Variants in SEZ6 observed in about 807,000 individuals in gnomAD.
The protein encoded by SEZ6 is seizure protein 6 homolog.
A neutral mutation model predicts 101.0 loss-of-function variants in SEZ6; 53 were observed. The ratio of observed to expected loss-of-function variants is 0.52; its 90% CI spans 0.42 to 0.66. The LOEUF is 0.66. Ranked by LOEUF, SEZ6 falls within the 30% of genes least tolerant of loss-of-function variation. The pLI is 0.00. For missense variants in SEZ6, 1,102 were observed against 1,289.4 expected (o/e 0.85, Z 2.23); for synonymous variants, 488 against 512.2 (o/e 0.95, Z 0.64).
chr17:28,970,629 G>A (rs1398921660), intron 3 of SEZ6, among the ~76,000 whole-genome samples: 1 of 152,110 alleles, frequency 6.6e-6, no homozygotes, highest in Non-Finnish European at 1.5e-5. Flanking sequence ...CGCCGTTACT[G>A]TGCACCTAGA....
chr17:28,988,068 T>C (rs1416171387), intron 1 of SEZ6, among the ~76,000 whole-genome samples: 2 of 152,200 alleles, frequency 1.3e-5, no homozygotes, highest in Admixed American at 1.3e-4. Flanking sequence ...AGTTGTTGGG[T>C]TGGACACAGA....
chr17:28,955,403 G>T lies in SEZ6; in HGVS notation c.*559C>A. Reference sequence around the variant, plus strand: ...TAGAATTACTGCCTCCACTGGGACAGGGCAGGAGGCAGAACTGTCCAGAAC... The same window carrying T: ...TAGAATTACTGCCTCCACTGGGACATGGCAGGAGGCAGAACTGTCCAGAAC... On this transcript the variant is annotated 3_prime_UTR_variant, in exon 17 of 17. Transcript: ENST00000317338. 1 of 331,558 alleles carries T rather than the reference G, an allele frequency of 3.0e-6. No homozygotes were observed. Among genetic ancestry groups the T allele is most frequent in the Non-Finnish European group, 6.0e-6 (1 of 166,290 alleles). The allele number at this position is 331,558 out of a possible 1,614,324, so 20.5% of individuals were successfully genotyped here. A position where few individuals can be genotyped will look rare whatever the true frequency, so the allele number is the denominator to read the frequency against.
intron 1 of SEZ6, among the ~76,000 whole-genome samples, chr17:28,996,322 C>T (rs1409615229): frequency 2.0e-5 from 3 of 152,192 alleles, no homozygotes; most frequent in African/African-American, 7.2e-5. Context: ...GAATGAGCTT[C>T]TCCTGCCCCA....
At chr17:28,981,276 AG>A in intron 2 of SEZ6, 94 bp downstream of exon 2, 1 of 1,456,958 alleles carries the variant, frequency 6.9e-7, no homozygotes, top group Non-Finnish European at 9.1e-7. Context: ...GCCAAAGGGC[AG>A]GGCAGGCTGG....
rs1296566295 is a variant in SEZ6 at position 28,991,151 on chromosome 17, C to T, written c.56-9112G>A. On this transcript the variant is annotated intron_variant, in intron 1 of 16. Transcript: ENST00000317338. The stretch of plus-strand genomic sequence containing the variant: ...AACTCCTGACCTCAGGTGATCTACC[C>T]GCCTTGGCCTCCCAAAATGCTGGGA... Among the ~76,000 whole-genome samples the T allele has an allele frequency of 3.3e-5, 5 of 150,424 alleles. No homozygotes were observed. The East Asian group carries it at 7.9e-4, about 24-fold the overall frequency.
In SEZ6 at chr17:28,969,877, C is replaced by T; in HGVS notation, c.934G>A (p.Ala312Thr). The T allele has an allele frequency of 6.5e-7, 1 of 1,541,320 alleles. No individual in the cohort carries two copies. Among genetic ancestry groups the T allele is most frequent in the South Asian group, 1.3e-5 (1 of 79,828 alleles). Reference sequence around the variant, plus strand: ...CCCCGCAGCAGGAAAGACTGGTTGGCCAGGGGCAGTGGGTCAGGCCCCCCC... The same window carrying T: ...CCCCGCAGCAGGAAAGACTGGTTGGTCAGGGGCAGTGGGTCAGGCCCCCCC... ...GLGGPDPLPL[A>T]NQSFLLRGQV... is the part of the protein sequence containing the mutation. Residue 312 changes from alanine to threonine, a missense_variant, in exon 4 of 17, where the codon GCC (alanine) becomes ACC (threonine). By Grantham distance (58) the Ala-to-Thr change is moderately conservative (BLOSUM62 0). Around this residue, in one of 3 missense-constraint regions of SEZ6, gnomAD observed 406 missense variants for 418.6 expected, o/e 0.97. Coordinates refer to ENST00000317338, the MANE Select transcript of SEZ6 (RefSeq NM_178860.5).
Position 28,957,080 on chromosome 17 carries a change from G to C in SEZ6, c.2657C>G (p.Ser886Trp). ...ASIKCVPGHP[S>W]HWSDPPPICR... ...GATGGGTGGGGGGTCACTCCAATGC[G>C]AGGGGTGCCCAGGCACACACTTGAT... Residue 886 changes from serine (S) to tryptophan (W), a missense_variant, in exon 13 of 17, where the codon TCG becomes TGG. Physicochemically the swap from Ser to Trp is radical, Grantham distance 177. Around this residue, in one of 3 missense-constraint regions of SEZ6, gnomAD observed 140 missense variants for 135.7 expected, o/e 1.03. Transcript: ENST00000317338. The C allele has an allele frequency of 6.2e-7, 1 of 1,608,034 alleles. No individual in the cohort carries two copies. The highest frequency in any genetic ancestry group is 8.5e-7 in the Non-Finnish European group (1 of 1,175,592).
rs867412072 is a variant in SEZ6 at position 28,962,774 on chromosome 17, C to T, written c.1240+1188G>A. Among the ~76,000 whole-genome samples, 74 of 144,838 alleles carry T rather than the reference C, an allele frequency of 5.1e-4. 1 individual carries two copies. Among genetic ancestry groups the T allele is most frequent in the African/African-American group, 1.8e-3 (71 of 38,766 alleles). On this transcript the variant is annotated intron_variant, in intron 5 of 16. Coordinates refer to ENST00000317338, the MANE Select transcript of SEZ6 (RefSeq NM_178860.5). ...CCAGCCTGGGTGACAGAGGGAGACT[C>T]CATCTCAAAAAAAAAAAAAAAAAAA...
At position 29,006,029 on chromosome 17, in the gene SEZ6, AC is replaced by A; in HGVS notation, c.-161del. 1 of 518,638 alleles carries A rather than the reference AC, an allele frequency of 1.9e-6. No individual in the cohort carries two copies. Among genetic ancestry groups the A allele is most frequent in the Non-Finnish European group, 2.8e-6 (1 of 350,966 alleles). The allele number at this position is 518,638 out of a possible 1,614,324, so 32.1% of individuals were successfully genotyped here. A position where few individuals can be genotyped will look rare whatever the true frequency, so the allele number is the denominator to read the frequency against. ...GCCGCCAGCGCCTGACAGAATCAGC[AC>A]CACGGCCAGCGCCTGGCGACGGCGC... On this transcript the variant is annotated 5_prime_UTR_variant, in exon 1 of 17. Coordinates refer to ENST00000317338, the MANE Select transcript of SEZ6 (RefSeq NM_178860.5).
At chr17:28,958,990 T>C (rs1310544750) in intron 10 of SEZ6, 35 bp downstream of exon 10, 1 of 1,579,484 alleles carries the variant, frequency 6.3e-7, no homozygotes, top group Admixed American at 1.7e-5. Flanking sequence ...CATGGCTTGC[T>C]GTCTGCACTC....
chr17:28,975,422 C>T (rs1022628052), intron 3 of SEZ6, among the ~76,000 whole-genome samples: 4 of 152,340 alleles, frequency 2.6e-5, no homozygotes, highest in African/African-American at 9.6e-5. Context: ...AACTGAGGCA[C>T]AGAGAAGGCC....
rs1018837308 is a variant in SEZ6, at chr17:28,955,711, C to T, written c.*251G>A. On this transcript the variant is annotated 3_prime_UTR_variant, in exon 17 of 17. Transcript: ENST00000317338. ...TTGATGCTTGTGCTCCAGCTATGTT[C>T]TTCCCACAGGTAGATGCCCCCTGAC... 1 of 675,876 alleles carries T rather than the reference C, an allele frequency of 1.5e-6. No homozygotes were observed. The highest frequency in any genetic ancestry group is 1.8e-5 in the African/African-American group (1 of 56,700). 41.9% of individuals were successfully genotyped at this position (675,876 alleles called of 1,614,324 possible).
chr17:28,964,022 G>A lies in SEZ6; in HGVS notation c.1180C>T (p.His394Tyr), dbSNP rs371193976. Residue 394 changes from histidine to tyrosine, a missense_variant, in exon 5 of 17, where the codon CAT becomes TAT. Physicochemically the swap from His to Tyr is moderately conservative, Grantham distance 83. Transcript: ENST00000317338. ...TGGGTGGCATTGAGACAGGTGAGAT[G>A]CCTGGCGCCCTTCAGCTGGTAGCCA... ...ATGYQLKGAR[H>Y]LTCLNATQPF... 6.2e-7 allele frequency: 1 copy of A among 1,612,098 alleles called. No individual in the cohort carries two copies. Among genetic ancestry groups the A allele is most frequent in the Non-Finnish European group, 8.5e-7 (1 of 1,179,130 alleles).
chr17:28,963,015 T>A (rs371899934), intron 5 of SEZ6, among the ~76,000 whole-genome samples: 1 of 151,362 alleles, frequency 6.6e-6, no homozygotes, highest in East Asian at 1.9e-4. Flanking sequence ...TCCCAGCTAC[T>A]CGGGAGGCTG....
chr17:28,999,002 C>G (rs1396896274), intron 1 of SEZ6, among the ~76,000 whole-genome samples: 1 of 152,184 alleles, frequency 6.6e-6, no homozygotes, highest in African/African-American at 2.4e-5. Flanking sequence ...AAAGGCAGCT[C>G]TCCTCTAAAC....
Position 28,969,881 on chromosome 17 carries a change from G to A in SEZ6, c.930C>T (p.Pro310=), listed in dbSNP as rs1303269658. The A allele has an allele frequency of 1.1e-5, 17 of 1,541,790 alleles. No homozygotes were observed. The highest frequency in any genetic ancestry group is 1.5e-5 in the Non-Finnish European group (17 of 1,152,968). ...VEGLGGPDPL[P]LANQSFLLRG... ...GCAGCAGGAAAGACTGGTTGGCCAG[G>A]GGCAGTGGGTCAGGCCCCCCCAGGC... Residue 310 remains proline, a synonymous_variant, in exon 4 of 17, where the codon CCC becomes CCT. Coordinates refer to ENST00000317338, the MANE Select transcript of SEZ6 (RefSeq NM_178860.5).
chr17:29,005,793 G>A lies in SEZ6; in HGVS notation c.55+22C>T, dbSNP rs1031593550. 6.8e-7 allele frequency: 1 copy of A among 1,480,686 alleles called. No individual in the cohort carries two copies. Among genetic ancestry groups the A allele is most frequent in the Non-Finnish European group, 9.0e-7 (1 of 1,115,478 alleles). The allele number at this position is 1,480,686 out of a possible 1,614,324, so 91.7% of individuals were successfully genotyped here. The stretch of plus-strand genomic sequence containing the variant: ...GCCCCGCTCCCGCCCCCGTCCTGCC[G>A]CCGGATGCCGGGGTCCCTTACCGTG... On this transcript the variant is annotated intron_variant, in intron 1 of 16. Transcript: ENST00000317338. The surrounding 1 kb of genome is among the most constrained non-coding windows in gnomAD (Gnocchi z 4.8).
chr17:28,956,743 A>G lies in SEZ6; in HGVS notation c.2707T>C (p.Phe903Leu). ...CCATCCAGGCTGCGACTGTTGTAGA[A>G]CCCATCCAGAGAGGCTGGAACAAAA... is the stretch of plus-strand genomic sequence containing the variant. Reference protein sequence around the residue: ...PICRAASLDGFYNSRSLDVAK... With the variant: ...PICRAASLDGLYNSRSLDVAK... The change falls in exon 14 of 17, where the codon TTC (phenylalanine) becomes CTC (leucine). Residue 903 changes from phenylalanine (F) to leucine (L), a missense_variant. Transcript: ENST00000317338. 3 of 1,563,600 alleles carry G rather than the reference A, an allele frequency of 1.9e-6. No homozygotes were observed. The highest frequency in any genetic ancestry group is 2.6e-6 in the Non-Finnish European group (3 of 1,153,762).
At chr17:28,957,794 C>A (rs1380942991) in intron 11 of SEZ6, 153 bp downstream of exon 11, 3 of 960,724 alleles carry the variant, frequency 3.1e-6, no homozygotes, top group Non-Finnish European at 1.5e-6. Context: ...TGAAAAGTAT[C>A]ATCCCCATTT....
Sources: allele counts gnomAD v4.1 joint callset (sites outside exome capture counted in the v4.1 genomes callset), GRCh38; gene constraint gnomAD v4.1.1; regional missense constraint gnomAD v4.1.1; non-coding constraint Gnocchi (gnomAD v3.1); transcripts MANE v1.5; gene names NCBI Gene and HGNC (gene_info 2026-07-23, HGNC 2026-07-21).